The following ZNF362 variants were observed in gnomAD, a reference collection of about 807,000 sequenced individuals.
ZNF362 encodes rotund homolog.
Under a neutral mutation model 42.9 loss-of-function variants are expected in ZNF362, and 11 were observed. The observed-to-expected ratio is 0.26, with a 90% CI of 0.16 to 0.42. The LOEUF (loss-of-function observed/expected upper bound fraction) is 0.42. Ranked by LOEUF, ZNF362 falls within the 20% of genes least tolerant of loss-of-function variation. The pLI is 1.00. For synonymous variants in ZNF362, 255 were observed against 257.3 expected, an observed-to-expected ratio of 0.99 and a Z score of 0.09; for missense variants, 362 against 576.2, an observed-to-expected ratio of 0.63 and a Z score of 3.81.
At chr1:33,172,072 G>A in the ZNF362 span, among the ~76,000 whole-genome samples, 2 of 152,170 alleles carry the variant, frequency 1.3e-5, no homozygotes, top group Admixed American at 6.5e-5. Flanking sequence ...ATCAGCCATG[G>A]CACCGGACCT....
chr1:33,259,246 C>T (rs1469872899), intron 1 of ZNF362, among the ~76,000 whole-genome samples: 1 of 152,154 alleles, frequency 6.6e-6, no homozygotes, highest in African/African-American at 2.4e-5. Context: ...CCCAGGATGG[C>T]AGGAATTGCT....
chr1:33,177,103 G>T, the ZNF362 span, among the ~76,000 whole-genome samples: 1 of 150,778 alleles, frequency 6.6e-6, no homozygotes, highest in African/African-American at 2.4e-5. This position sits in a 1 kb window ranked among gnomAD's most constrained non-coding sequence, Gnocchi z 4.1. Flanking sequence ...GCACACACAT[G>T]CACACACACA....
chr1:33,249,289 A>AG, the ZNF362 span, among the ~76,000 whole-genome samples: 1 of 152,168 alleles, frequency 6.6e-6, no homozygotes, highest in Non-Finnish European at 1.5e-5. Flanking sequence ...TGTGAACTCC[A>AG]GGGGGCTTGT....
At chr1:33,145,883 T>G in the ZNF362 span, 2 of 471,058 alleles carry the variant, frequency 4.2e-6, no homozygotes, top group East Asian at 6.9e-5. Flanking sequence ...TTTCCCAGAC[T>G]CCCTTGCAGC....
intron 1 of ZNF362, among the ~76,000 whole-genome samples, chr1:33,265,335 G>A (rs1645857999): frequency 6.6e-6 from 1 of 151,782 alleles, no homozygotes; most frequent in Non-Finnish European, 1.5e-5. Flanking sequence ...GGAGGGGGAG[G>A]GACAGTGAGG....
chr1:33,251,952 C>T (rs1645763788), upstream of ZNF362, among the ~76,000 whole-genome samples: 1 of 152,228 alleles, frequency 6.6e-6, no homozygotes, highest in Non-Finnish European at 1.5e-5. Context: ...CCCAGCCTCC[C>T]TTGCAGTAGG....
At chr1:33,232,270 AT>A in the ZNF362 span, among the ~76,000 whole-genome samples, 4 of 150,200 alleles carry the variant, frequency 2.7e-5, no homozygotes, top group Admixed American at 6.7e-5. Flanking sequence ...GTGGAAATGT[AT>A]TTTTTTTTTC....
At chr1:33,217,780 T>TCA in the ZNF362 span, among the ~76,000 whole-genome samples, 105,311 of 150,876 alleles carry the variant, frequency 0.7, 37,297 homozygotes, top group Non-Finnish European at 0.76. Flanking sequence ...CTCCTTATGT[T>TCA]CACACACACA....
At chr1:33,232,891 T>C in the ZNF362 span, among the ~76,000 whole-genome samples, 2 of 152,198 alleles carry the variant, frequency 1.3e-5, no homozygotes, top group Non-Finnish European at 2.9e-5. Context: ...GGTGCAGAGG[T>C]GGAGGCTGGA....
chr1:33,287,208 G>A (rs1172268458), intron 6 of ZNF362, among the ~76,000 whole-genome samples: 3 of 152,334 alleles, frequency 2.0e-5, no homozygotes, highest in African/African-American at 7.2e-5. Flanking sequence ...ATTGTCTCGT[G>A]CAGTTAGTGT....
the ZNF362 span, chr1:33,181,460 C>T: frequency 1.0e-5 from 16 of 1,563,450 alleles, no homozygotes; most frequent in Non-Finnish European, 1.3e-5. This position sits in a 1 kb window ranked among gnomAD's most constrained non-coding sequence, Gnocchi z 6.5. Context: ...AGAGGGGGGC[C>T]CGAGGGGCAG....
intron 8 of ZNF362, among the ~76,000 whole-genome samples, chr1:33,297,513 C>CTTTTT (rs55931056): frequency 0.086 from 10,405 of 120,660 alleles, 909 homozygotes; most frequent in East Asian, 0.23. Context: ...CATGATTCCT[C>CTTTTT]TTTTTTTTTT....
chr1:33,224,146 G>C, the ZNF362 span, among the ~76,000 whole-genome samples: 5 of 151,990 alleles, frequency 3.3e-5, no homozygotes, highest in Non-Finnish European at 5.9e-5. Flanking sequence ...AAAAATCATA[G>C]AAAGAGACCC....
chr1:33,175,864 A>G, the ZNF362 span, among the ~76,000 whole-genome samples: 3 of 152,282 alleles, frequency 2.0e-5, no homozygotes, highest in Admixed American at 6.5e-5. Flanking sequence ...ATAATTTTAT[A>G]GAGTCATTGT....
intron 2 of ZNF362, 116 bp from the exon 3 acceptor site, chr1:33,275,984 C>A: frequency 8.6e-7 from 1 of 1,158,718 alleles, no homozygotes; most frequent in Non-Finnish European, 1.3e-6. Context: ...CTGGGGGACC[C>A]ACGGGGACAT....
chr1:33,267,795 T>G (rs1485639737), intron 1 of ZNF362, among the ~76,000 whole-genome samples: 1 of 152,254 alleles, frequency 6.6e-6, no homozygotes, highest in South Asian at 2.1e-4. Flanking sequence ...TTTTTGCTGC[T>G]GTAAAAAACC....
chr1:33,204,744 C>T, the ZNF362 span, among the ~76,000 whole-genome samples: 19 of 152,310 alleles, frequency 1.2e-4, no homozygotes, highest in African/African-American at 4.1e-4. Context: ...TGTCTGCACT[C>T]ATCTCTTTTA....
the ZNF362 span, chr1:33,147,099 T>C: frequency 4.6e-6 from 7 of 1,511,120 alleles, no homozygotes; most frequent in South Asian, 1.3e-5. This position sits in a 1 kb window ranked among gnomAD's most constrained non-coding sequence, Gnocchi z 8.1. Flanking sequence ...TGGGCTGGAG[T>C]CCAGGTCTTC....
chr1:33,194,365 A>G, the ZNF362 span, among the ~76,000 whole-genome samples: 12 of 152,006 alleles, frequency 7.9e-5, no homozygotes, highest in South Asian at 2.1e-4. Flanking sequence ...GCAAAACCCC[A>G]TCTCTACTAA....
Sources: gnomAD v4.1 joint callset for allele counts (sites outside exome capture counted in the v4.1 genomes callset) on GRCh38, gnomAD v4.1.1 for gene constraint, Gnocchi (gnomAD v3.1) non-coding constraint, MANE v1.5 for transcripts, NCBI Gene and HGNC (gene_info 2026-07-23, HGNC 2026-07-21) for gene names.